NTRK2: variants seen among roughly 807,000 people sequenced by gnomAD.
NTRK2 encodes BDNF/NT-3 growth factors receptor.
A neutral mutation model predicts 94.5 loss-of-function variants in NTRK2; 13 were observed. That is an observed-to-expected ratio of 0.14 (90% CI 0.09 to 0.22). The LOEUF is 0.22. NTRK2 is among the 10% of genes least tolerant of loss of function. The probability of loss-of-function intolerance (pLI) is 1.00; values close to 1 mark genes in which losing one functional copy is unlikely to be tolerated. For synonymous variants in NTRK2, 372 were observed against 407.4 expected (o/e 0.91, Z 1.05); for missense variants, 639 against 1,071.2 (o/e 0.60, Z 5.63).
chr9:84,948,403 C>G, intron 15 of NTRK2, 59 bp from the exon 16 acceptor site: 1 of 1,543,202 alleles, frequency 6.5e-7, no homozygotes, highest in South Asian at 1.1e-5. Flanking sequence ...GATGTCTTTC[C>G]TATCTCAGTA....
At chr9:84,926,661 C>T (rs1227137517) in intron 14 of NTRK2, among the ~76,000 whole-genome samples, 4 of 152,208 alleles carry the variant, frequency 2.6e-5, no homozygotes, top group Admixed American at 6.5e-5. Flanking sequence ...CTTCTCCCCT[C>T]TTAAGTGTTC....
In NTRK2 at chr9:84,723,729, G is replaced by T. The variant is rs1357505303; in HGVS notation, c.720+20G>T. ...CATATGGTAAGGCTTGTGTTTGGCT[G>T]TGTCTTAATAGAGAGACAAGAGTGT... On this transcript the variant is annotated intron_variant, in intron 7 of 18. Transcript: ENST00000277120. The T allele has an allele frequency of 1.2e-6, 2 of 1,613,994 alleles. No homozygotes were observed. The highest frequency in any genetic ancestry group is 2.2e-5 in the South Asian group (2 of 91,078).
chr9:84,816,174 G>A lies in NTRK2; in HGVS notation c.1397-44866G>A, dbSNP rs574180982. 2.6e-5 allele frequency among the ~76,000 whole-genome samples: 4 copies of A among 152,180 alleles called. 1 individual carries two copies. Among genetic ancestry groups the A allele is most frequent in the Admixed American group, 6.5e-5 (1 of 15,290 alleles). ...AACATAATGACTTGTACTTGAAAGC[G>A]AGAGAGAGGGGAATATGTTGGATGT... On this transcript the variant is annotated intron_variant, in intron 12 of 18. Coordinates refer to ENST00000277120, the MANE Select transcript of NTRK2 (RefSeq NM_006180.6).
intron 2 of NTRK2, among the ~76,000 whole-genome samples, chr9:84,701,580 G>T (rs1446274583): frequency 2.6e-5 from 4 of 152,186 alleles, no homozygotes; most frequent in Non-Finnish European, 4.4e-5. Context: ...GCCATATGGG[G>T]TTTGTGAAAT....
At chr9:84,821,725 T>C (rs1322618942) in intron 12 of NTRK2, among the ~76,000 whole-genome samples, 1 of 152,066 alleles carries the variant, frequency 6.6e-6, no homozygotes, top group Non-Finnish European at 1.5e-5. Flanking sequence ...GCTGATTTTG[T>C]CTCCTTTTTT....
chr9:84,983,651 T>C (rs967468066), intron 17 of NTRK2, among the ~76,000 whole-genome samples: 1 of 152,148 alleles, frequency 6.6e-6, no homozygotes, highest in African/African-American at 2.4e-5. Context: ...TCCCACTGGG[T>C]ATTTGTAGGA....
chr9:84,716,152 T>C lies in NTRK2; in HGVS notation c.583+5361T>C, dbSNP rs78254361. 5.4e-3 allele frequency among the ~76,000 whole-genome samples: 818 copies of C among 152,038 alleles called. 10 individuals carry two copies. The highest frequency in any genetic ancestry group is 0.019 in the African/African-American group (781 of 41,560). On this transcript the variant is annotated intron_variant, in intron 6 of 18. Coordinates refer to ENST00000277120, the MANE Select transcript of NTRK2 (RefSeq NM_006180.6). The stretch of plus-strand genomic sequence containing the variant: ...CTTGTTGGTTGAAGAACTGTGCAGT[T>C]ACTATATAAACCATCCTTAATGGTC...
intron 12 of NTRK2, among the ~76,000 whole-genome samples, chr9:84,840,502 C>T (rs2074120258): frequency 6.6e-6 from 1 of 152,066 alleles, no homozygotes; most frequent in Admixed American, 6.5e-5. Flanking sequence ...TCCCCATGTG[C>T]ACTGGCTGGA....
intron 14 of NTRK2, among the ~76,000 whole-genome samples, chr9:84,908,106 A>T (rs1365599452): frequency 6.6e-6 from 1 of 152,266 alleles, no homozygotes; most frequent in Non-Finnish European, 1.5e-5. Context: ...CAAACAAACA[A>T]ACAAAAACAA....
At chr9:84,762,562 C>G (rs2065675582) in intron 12 of NTRK2, among the ~76,000 whole-genome samples, 1 of 152,160 alleles carries the variant, frequency 6.6e-6, no homozygotes, top group Non-Finnish European at 1.5e-5. Context: ...GTTTATCCCT[C>G]ACATTATATC....
intron 12 of NTRK2, chr9:84,810,963 T>A: frequency 1.2e-5 from 13 of 1,125,072 alleles, no homozygotes; most frequent in Non-Finnish European, 1.4e-5. Flanking sequence ...TTCTGTTTAT[T>A]AAAATTGACC....
At chr9:85,005,095 C>A (rs953397572) in intron 17 of NTRK2, among the ~76,000 whole-genome samples, 2 of 152,134 alleles carry the variant, frequency 1.3e-5, no homozygotes, top group South Asian at 2.1e-4. Flanking sequence ...CACAGTCAGA[C>A]CTGCTTTGTT....
intron 14 of NTRK2, among the ~76,000 whole-genome samples, chr9:84,899,574 C>T (rs967526787): frequency 2.6e-5 from 4 of 152,318 alleles, no homozygotes; most frequent in South Asian, 2.1e-4. Context: ...CCAAAACCCA[C>T]AGTTTGAGTA....
At chr9:84,882,920 C>G (rs1216769403) in intron 14 of NTRK2, among the ~76,000 whole-genome samples, 1 of 152,066 alleles carries the variant, frequency 6.6e-6, no homozygotes, top group Non-Finnish European at 1.5e-5. Context: ...GGCACTACCA[C>G]ACCCGGCTAA....
chr9:84,768,916 C>T (rs2066276389), intron 12 of NTRK2, among the ~76,000 whole-genome samples: 1 of 152,158 alleles, frequency 6.6e-6, no homozygotes, highest in Middle Eastern at 3.4e-3. Flanking sequence ...ATAGACATCC[C>T]CTGCGGGACA....
chr9:85,004,047 G>GAAAGAAAGAAAAGAAAGAAAGAAAGAA (rs1564542231), intron 17 of NTRK2, among the ~76,000 whole-genome samples: 11 of 39,780 alleles, frequency 2.8e-4, no homozygotes, highest in Non-Finnish European at 4.2e-4. Flanking sequence ...GAAAGAAAGG[G>GAAAGAAAGAAAAGAAAGAAAGAAAGAA]AGAAAGAGAA....
At chr9:84,773,961 G>T (rs1456316253) in intron 12 of NTRK2, among the ~76,000 whole-genome samples, 1 of 152,148 alleles carries the variant, frequency 6.6e-6, no homozygotes, top group African/African-American at 2.4e-5. Context: ...AGATTTTGCT[G>T]ATCTGCCAAG....
chr9:84,786,978 C>G (rs530460624), intron 12 of NTRK2, among the ~76,000 whole-genome samples: 2 of 152,120 alleles, frequency 1.3e-5, no homozygotes, highest in East Asian at 1.9e-4. Context: ...TGAAATGGTG[C>G]TATCAAAGAC....
At chr9:84,990,052 G>A (rs1234570467) in intron 17 of NTRK2, among the ~76,000 whole-genome samples, 2 of 152,144 alleles carry the variant, frequency 1.3e-5, no homozygotes, top group Non-Finnish European at 2.9e-5. Context: ...CAGCACAGAC[G>A]TTATCTATGC....
Sources: gnomAD v4.1 joint callset for allele counts (sites outside exome capture counted in the v4.1 genomes callset) on GRCh38, gnomAD v4.1.1 for gene constraint, MANE v1.5 for transcripts, NCBI Gene and HGNC (gene_info 2026-07-23, HGNC 2026-07-21) for gene names.